Variants in IQSEC1 observed in about 807,000 individuals in gnomAD.
The protein encoded by IQSEC1 is IQ motif and SEC7 domain-containing protein 1.
A neutral mutation model predicts 91.0 loss-of-function variants in IQSEC1; 31 were observed. The observed-to-expected ratio is 0.34, with a 90% CI of 0.26 to 0.46. IQSEC1 has a LOEUF of 0.46. Among genes scored for constraint, IQSEC1 ranks in the 20% least tolerant of loss-of-function variants. The pLI, the probability that IQSEC1 is intolerant of heterozygous loss-of-function variation, is 1.00. For synonymous variants in IQSEC1, 699 were observed against 662.6 expected (o/e 1.05, Z -0.84); for missense variants, 1,388 against 1,575.6 (o/e 0.88, Z 2.02).
rs1284843792 is a variant in IQSEC1, at chr3:12,899,362, C to T, written c.*1621G>A. On this transcript the variant is annotated 3_prime_UTR_variant, in exon 14 of 14. Transcript: ENST00000613206. ...GAAAGGGCCTCCGCCTGGGCAGGCG[C>T]CGGGGGGCAGTCCTCGGGTCCCATG... The T allele has an allele frequency of 6.2e-7, 1 of 1,610,734 alleles. No individual in the cohort carries two copies. Among genetic ancestry groups the T allele is most frequent in the Non-Finnish European group, 8.5e-7 (1 of 1,179,200 alleles).
chr3:13,203,551 G>T lies in IQSEC1; in HGVS notation c.273-39418C>A, dbSNP rs1694285292. 3.3e-5 allele frequency among the ~76,000 whole-genome samples: 5 copies of T among 152,276 alleles called. No homozygotes were observed. In the South Asian group the frequency reaches 1.0e-3, roughly 32 times the overall value. The stretch of plus-strand genomic sequence containing the variant: ...GGCAGGAACAGGAGGTCTGCAGGGT[G>T]CCCGGGACACAGGAAACACACCGGA... On this transcript the variant is annotated intron_variant, in intron 1 of 15. Coordinates refer to the IQSEC1 transcript ENST00000648114.
At chr3:13,071,058 A>G (rs997166157) in intron 1 of IQSEC1, among the ~76,000 whole-genome samples, 9 of 152,282 alleles carry the variant, frequency 5.9e-5, no homozygotes, top group Admixed American at 5.2e-4. Flanking sequence ...GGACATTAAA[A>G]TCATCCGGAA....
chr3:13,025,715 T>C (rs1193213649), intron 1 of IQSEC1, among the ~76,000 whole-genome samples: 1 of 152,224 alleles, frequency 6.6e-6, no homozygotes, highest in Non-Finnish European at 1.5e-5. Context: ...GGGCACACTA[T>C]ACTCGACTCC....
At chr3:12,902,228 C>G (rs1410161017) in intron 13 of IQSEC1, among the ~76,000 whole-genome samples, 1 of 152,158 alleles carries the variant, frequency 6.6e-6, no homozygotes, top group Non-Finnish European at 1.5e-5. Context: ...CACACTGAAT[C>G]TCTTTCTCTC....
chr3:12,955,694 AG>A (rs1296738067), intron 1 of IQSEC1, among the ~76,000 whole-genome samples: 1 of 152,192 alleles, frequency 6.6e-6, no homozygotes, highest in African/African-American at 2.4e-5. Context: ...CTTTAAAGAG[AG>A]GGGCTGGGCA....
intron 2 of IQSEC1, among the ~76,000 whole-genome samples, chr3:13,157,385 G>T (rs1005119947): frequency 3.9e-5 from 6 of 152,114 alleles, no homozygotes; most frequent in South Asian, 4.1e-4. Context: ...GCTCCTATAA[G>T]ATCTTTCTAC....
intron 1 of IQSEC1, among the ~76,000 whole-genome samples, chr3:13,009,545 G>A (rs1702783773): frequency 6.6e-6 from 1 of 151,770 alleles, no homozygotes; most frequent in African/African-American, 2.4e-5. Context: ...TGCCCCAGAT[G>A]CCCGCAGCCC....
Position 12,900,947 on chromosome 3 carries a change from G to A in IQSEC1, c.*36C>T. 6.5e-7 allele frequency: 1 copy of A among 1,540,090 alleles called. No individual in the cohort carries two copies. Among genetic ancestry groups the A allele is most frequent in the Non-Finnish European group, 8.7e-7 (1 of 1,146,734 alleles). On this transcript the variant is annotated 3_prime_UTR_variant, in exon 14 of 14. Transcript: ENST00000613206. Reference sequence around the variant, plus strand: ...CGGGCGTGCCCTGTGTGGTGTGCAGGTGTTTCAGGGAGCCTGGGACCCCTA... The same window carrying A: ...CGGGCGTGCCCTGTGTGGTGTGCAGATGTTTCAGGGAGCCTGGGACCCCTA...
chr3:13,165,606 T>C (rs1022621905), intron 1 of IQSEC1, among the ~76,000 whole-genome samples: 5 of 140,296 alleles, frequency 3.6e-5, no homozygotes, highest in African/African-American at 1.3e-4. Context: ...TTCATCGCCA[T>C]CTTAGGTTGC....
In IQSEC1 at chr3:12,922,858, C is replaced by G. The variant is rs1696762098; in HGVS notation, c.1731-616G>C. On this transcript the variant is annotated intron_variant, in intron 4 of 13. Coordinates refer to ENST00000613206, the MANE Select transcript of IQSEC1 (RefSeq NM_001134382.3). The surrounding 1 kb of genome is among the most constrained non-coding windows in gnomAD (Gnocchi z 5.1). ...CTGCCCCGGCACACCCTTCCAGTCC[C>G]TCCTATGGTGACCCCTGAACAGAGA... Among the ~76,000 whole-genome samples, 1 of 152,148 alleles carries G rather than the reference C, an allele frequency of 6.6e-6. No homozygotes were observed. Among genetic ancestry groups the G allele is most frequent in the African/African-American group, 2.4e-5 (1 of 41,432 alleles).
At chr3:13,187,220 C>T (rs887725133) in intron 1 of IQSEC1, among the ~76,000 whole-genome samples, 2 of 152,160 alleles carry the variant, frequency 1.3e-5, no homozygotes, top group African/African-American at 4.8e-5. Flanking sequence ...GCACCAAGCC[C>T]CTCAAGGAGC....
At chr3:13,281,577 G>C (rs114719519) in intron 1 of IQSEC1, among the ~76,000 whole-genome samples, 3 of 152,270 alleles carry the variant, frequency 2.0e-5, no homozygotes, top group African/African-American at 7.2e-5. Context: ...CAGGGCAGCA[G>C]ACAGGGCCTG....
chr3:13,041,972 C>T (rs765746935), intron 1 of IQSEC1, among the ~76,000 whole-genome samples: 19 of 152,220 alleles, frequency 1.2e-4, no homozygotes, highest in East Asian at 5.8e-4. Context: ...CCGGGGACCC[C>T]GGGCCGGTGC....
intron 1 of IQSEC1, among the ~76,000 whole-genome samples, chr3:13,247,949 G>T (rs1413199926): frequency 1.3e-5 from 2 of 152,188 alleles, no homozygotes; most frequent in Non-Finnish European, 2.9e-5. Context: ...AGGACCGTGG[G>T]CCACTGTTCA....
At chr3:13,182,067 T>C (rs1290873680) in intron 1 of IQSEC1, among the ~76,000 whole-genome samples, 1 of 152,256 alleles carries the variant, frequency 6.6e-6, no homozygotes, top group African/African-American at 2.4e-5. Flanking sequence ...CAGCCATTCT[T>C]GTTGCCTTGG....
chr3:13,068,286 T>C (rs1224629105), intron 1 of IQSEC1, among the ~76,000 whole-genome samples: 1 of 152,250 alleles, frequency 6.6e-6, no homozygotes, highest in African/African-American at 2.4e-5. Context: ...CAGACGCTAC[T>C]TGTTGCCCTG....
chr3:13,013,624 C>T (rs1702987772), intron 1 of IQSEC1, among the ~76,000 whole-genome samples: 1 of 152,190 alleles, frequency 6.6e-6, no homozygotes, highest in Non-Finnish European at 1.5e-5. Flanking sequence ...CCTTCCTCTG[C>T]CCTACTCTCC....
At position 12,900,070 on chromosome 3, in the gene IQSEC1, A is replaced by G; in HGVS notation, c.*913T>C. 3 of 985,234 alleles carry G rather than the reference A, an allele frequency of 3.0e-6. No individual in the cohort carries two copies. Among genetic ancestry groups the G allele is most frequent in the Non-Finnish European group, 3.6e-6 (3 of 829,824 alleles). 61.0% of individuals were successfully genotyped at this position (985,234 alleles called of 1,614,324 possible). On this transcript the variant is annotated 3_prime_UTR_variant, in exon 14 of 14. Coordinates refer to ENST00000613206, the MANE Select transcript of IQSEC1 (RefSeq NM_001134382.3). ...AACCAGCTTGTAACCAGCTGTCCTG[A>G]GTTGCTACTGTAGAGTGTACTGCAG... is the stretch of plus-strand genomic sequence containing the variant.
intron 1 of IQSEC1, among the ~76,000 whole-genome samples, chr3:13,233,828 T>A: frequency 6.6e-6 from 1 of 152,100 alleles, no homozygotes; most frequent in Non-Finnish European, 1.5e-5. Context: ...CCTGCTCACA[T>A]GTGGTATGGC....
Sources: allele counts gnomAD v4.1 joint callset (sites outside exome capture counted in the v4.1 genomes callset), GRCh38; gene constraint gnomAD v4.1.1; non-coding constraint Gnocchi (gnomAD v3.1); transcripts MANE v1.5; gene names NCBI Gene and HGNC (gene_info 2026-07-23, HGNC 2026-07-21).